The following PDE10A variants were observed in gnomAD, a reference collection of about 807,000 sequenced individuals.
PDE10A encodes the protein phosphodiesterase 10A, also known as cAMP and cAMP-inhibited cGMP 3',5'-cyclic phosphodiesterase 10A.
In PDE10A, 39 loss-of-function variants were observed where a neutral mutation model predicts 97.7. The observed-to-expected ratio is 0.40, with a 90% CI of 0.31 to 0.52. PDE10A has a LOEUF of 0.52. Among genes scored for constraint, PDE10A ranks in the 20% least tolerant of loss-of-function variants. The pLI is 0.56. For synonymous variants in PDE10A, 371 were observed against 376.8 expected (o/e 0.98, Z 0.18); for missense variants, 731 against 1,047.8 (o/e 0.70, Z 4.17).
chr6:165,355,339 A>G (rs779924704), intron 18 of PDE10A, among the ~76,000 whole-genome samples: 8 of 152,050 alleles, frequency 5.3e-5, no homozygotes, highest in Non-Finnish European at 1.2e-4. Context: ...TCACCCAGAA[A>G]CCTCGTTTTC....
chr6:165,483,421 C>T (rs1200885940), intron 2 of PDE10A, among the ~76,000 whole-genome samples: 1 of 152,120 alleles, frequency 6.6e-6, no homozygotes, highest in Non-Finnish European at 1.5e-5. Context: ...CTCTGACTTC[C>T]CTAAGAATGT....
chr6:165,418,893 AT>A lies in PDE10A; in HGVS notation c.1654-117del, dbSNP rs1229859738. 1.4e-6 allele frequency: 1 copy of A among 729,030 alleles called. No individual in the cohort carries two copies. The highest frequency in any genetic ancestry group is 1.8e-5 in the African/African-American group (1 of 55,636). 45.2% of individuals were successfully genotyped at this position (729,030 alleles called of 1,614,324 possible). A position where few individuals can be genotyped will look rare whatever the true frequency, so the allele number is the denominator to read the frequency against. ...CTGTCCTATACTCTAATTGGTTGGTATTAGCATTATAAGTAAATAAATATAC... is the reference window on the plus strand; with the variant it reads ...CTGTCCTATACTCTAATTGGTTGGTATAGCATTATAAGTAAATAAATATAC... On this transcript the variant is annotated intron_variant, in intron 10 of 21. Coordinates refer to ENST00000539869, the MANE Select transcript of PDE10A (RefSeq NM_001385079.1). This position sits in a 1 kb window ranked among gnomAD's most constrained non-coding sequence, Gnocchi z 4.8.
intron 1 of PDE10A, among the ~76,000 whole-genome samples, chr6:165,561,092 A>C (rs1474243813): frequency 6.6e-6 from 1 of 151,522 alleles, no homozygotes; most frequent in Admixed American, 6.6e-5. Flanking sequence ...GGTGGCGGGC[A>C]CCTGTAGTCC....
chr6:165,673,377 A>G (rs1166901378), intron 1 of PDE10A, among the ~76,000 whole-genome samples: 1 of 152,252 alleles, frequency 6.6e-6, no homozygotes, highest in Non-Finnish European at 1.5e-5. Context: ...TGAGAAAAGC[A>G]TAGCCATGCA....
chr6:165,738,501 G>T (rs1467918255), intron 1 of PDE10A, among the ~76,000 whole-genome samples: 1 of 151,736 alleles, frequency 6.6e-6, no homozygotes, highest in African/African-American at 2.4e-5. Flanking sequence ...ATAGCAGCAT[G>T]ATTTATAGTC....
intron 1 of PDE10A, among the ~76,000 whole-genome samples, chr6:165,885,640 C>T (rs6933266): frequency 0.25 from 37,881 of 152,172 alleles, 5,583 homozygotes; most frequent in African/African-American, 0.41. Flanking sequence ...GAAGACAGCT[C>T]TGCTCAGCGC....
intron 1 of PDE10A, among the ~76,000 whole-genome samples, chr6:165,689,639 C>A (rs990638605): frequency 6.6e-6 from 1 of 152,206 alleles, no homozygotes; most frequent in South Asian, 2.1e-4. Flanking sequence ...CTATGCGATG[C>A]ACCAGTCCCC....
At chr6:165,486,454 G>A (rs938550275) in intron 2 of PDE10A, among the ~76,000 whole-genome samples, 4 of 152,292 alleles carry the variant, frequency 2.6e-5, no homozygotes, top group Non-Finnish European at 4.4e-5. Context: ...AGCTCCTTAG[G>A]TCGCTTCTGA....
intron 1 of PDE10A, among the ~76,000 whole-genome samples, chr6:165,788,869 G>A (rs1004045880): frequency 1.3e-5 from 2 of 152,210 alleles, no homozygotes; most frequent in Non-Finnish European, 2.9e-5. Flanking sequence ...TAGGTATTCA[G>A]TGGAGACAAG....
intron 2 of PDE10A, among the ~76,000 whole-genome samples, chr6:165,506,757 G>C (rs762697008): frequency 2.0e-5 from 3 of 152,084 alleles, no homozygotes; most frequent in African/African-American, 4.8e-5. Flanking sequence ...CATATTCACA[G>C]CTTTTTATTT....
chr6:165,786,946 TTTAAA>T (rs1313856258), intron 1 of PDE10A, among the ~76,000 whole-genome samples: 5 of 152,316 alleles, frequency 3.3e-5, no homozygotes, highest in Non-Finnish European at 7.4e-5. Flanking sequence ...TATTCTATAG[TTTAAA>T]TTAGTGTTTA....
At chr6:165,611,155 A>C (rs889924730) in intron 1 of PDE10A, among the ~76,000 whole-genome samples, 1 of 152,058 alleles carries the variant, frequency 6.6e-6, no homozygotes, top group Non-Finnish European at 1.5e-5. Flanking sequence ...ACTAACAAGC[A>C]AAAAAACAAA....
chr6:165,914,659 G>T (rs1388173608), intron 1 of PDE10A, among the ~76,000 whole-genome samples: 1 of 152,190 alleles, frequency 6.6e-6, no homozygotes, highest in Non-Finnish European at 1.5e-5. Context: ...CCATCCTCGG[G>T]CAGTTCTTCC....
intron 1 of PDE10A, among the ~76,000 whole-genome samples, chr6:165,942,793 C>T (rs1583318315): frequency 6.6e-6 from 1 of 152,158 alleles, no homozygotes; most frequent in Non-Finnish European, 1.5e-5. Context: ...AGGAGGAAAG[C>T]CCTGGTTTAT....
chr6:165,757,152 A>G (rs1294293122), intron 1 of PDE10A, among the ~76,000 whole-genome samples: 1 of 151,990 alleles, frequency 6.6e-6, no homozygotes, highest in Non-Finnish European at 1.5e-5. Flanking sequence ...TTTTTAGTAG[A>G]GACGGGGTTT....
chr6:165,917,157 C>A (rs1431758790), intron 1 of PDE10A, among the ~76,000 whole-genome samples: 1 of 152,168 alleles, frequency 6.6e-6, no homozygotes, highest in Non-Finnish European at 1.5e-5. Context: ...TCACTCCCGC[C>A]CACACGCAGA....
At chr6:165,837,668 T>G (rs1305026772) in intron 1 of PDE10A, among the ~76,000 whole-genome samples, 3 of 145,856 alleles carry the variant, frequency 2.1e-5, no homozygotes, top group Admixed American at 6.8e-5. Flanking sequence ...GGTTTTTTTT[T>G]TTTTTTTTTT....
chr6:165,449,046 G>T, intron 4 of PDE10A, 69 bp from the exon 5 acceptor site: 5 of 1,060,010 alleles, frequency 4.7e-6, no homozygotes, highest in Non-Finnish European at 7.4e-6. Flanking sequence ...GCATCCTCCA[G>T]GGTGAGAGGC....
intron 1 of PDE10A, among the ~76,000 whole-genome samples, chr6:165,569,020 C>T (rs1406882458): frequency 6.6e-6 from 1 of 152,152 alleles, no homozygotes; most frequent in Non-Finnish European, 1.5e-5. Flanking sequence ...GTGTAAAGTA[C>T]ATACTGGATT....
Sources: gnomAD v4.1 joint callset for allele counts (sites outside exome capture counted in the v4.1 genomes callset) on GRCh38, gnomAD v4.1.1 for gene constraint, Gnocchi (gnomAD v3.1) non-coding constraint, MANE v1.5 for transcripts, NCBI Gene and HGNC (gene_info 2026-07-23, HGNC 2026-07-21) for gene names.